PRKN: variants seen among roughly 807,000 people sequenced by gnomAD.
PRKN encodes the protein parkin RBR E3 ubiquitin protein ligase, also known as E3 ubiquitin-protein ligase parkin.
In PRKN, 56 loss-of-function variants were observed where a neutral mutation model predicts 59.5. The ratio of observed to expected loss-of-function variants is 0.94; its 90% CI spans 0.76 to 1.18. PRKN has a LOEUF of 1.18. Ranked by LOEUF, PRKN falls within the 50% of genes most tolerant of loss-of-function variation. The probability of loss-of-function intolerance (pLI) is 0.00; values close to 1 mark genes in which losing one functional copy is unlikely to be tolerated. For missense variants in PRKN, 657 were observed against 596.4 expected (o/e 1.10, Z -1.06); for synonymous variants, 250 against 222.1 (o/e 1.13, Z -1.12).
rs553080701 is a variant in PRKN, at chr6:161,760,555, G to A, written c.871+25217C>T. On this transcript the variant is annotated intron_variant, in intron 7 of 11. Transcript: ENST00000366898. ...GTGGAACCCGAGATTCAGGCTGAGC[G>A]CCGGAAGCCGTCTAGCAGGGACTCT... Among the ~76,000 whole-genome samples the A allele has an allele frequency of 1.9e-4, 29 of 151,966 alleles. 1 individual carries two copies. The highest frequency in any genetic ancestry group is 6.5e-4 in the African/African-American group (27 of 41,436).
At chr6:162,424,778 C>A (rs148950647) in intron 2 of PRKN, among the ~76,000 whole-genome samples, 1 of 150,946 alleles carries the variant, frequency 6.6e-6, no homozygotes, top group South Asian at 2.1e-4. Context: ...GTACCACTGG[C>A]GGATGGGGGT....
At chr6:161,836,323 G>A (rs1792753486) in intron 6 of PRKN, among the ~76,000 whole-genome samples, 1 of 152,198 alleles carries the variant, frequency 6.6e-6, no homozygotes, top group Admixed American at 6.5e-5. Flanking sequence ...AGTGGTCACA[G>A]GGAGTCCCCT....
At chr6:162,663,621 A>G (rs1256117242) in intron 1 of PRKN, among the ~76,000 whole-genome samples, 1 of 152,168 alleles carries the variant, frequency 6.6e-6, no homozygotes, top group Non-Finnish European at 1.5e-5. Context: ...GTAGACAGAA[A>G]ATAAGTGTGT....
intron 4 of PRKN, among the ~76,000 whole-genome samples, chr6:162,166,583 T>C (rs1782999313): frequency 1.3e-5 from 2 of 152,210 alleles, no homozygotes; most frequent in South Asian, 4.1e-4. Context: ...TGTTGAAGTA[T>C]TTCGAGGTGA....
At chr6:162,344,410 T>C (rs777560773) in intron 2 of PRKN, among the ~76,000 whole-genome samples, 8 of 152,116 alleles carry the variant, frequency 5.3e-5, no homozygotes, top group South Asian at 2.1e-4. Flanking sequence ...CTAATGTAAA[T>C]TTACTTTTAA....
chr6:162,362,821 A>G (rs576921814), intron 2 of PRKN, among the ~76,000 whole-genome samples: 4 of 152,184 alleles, frequency 2.6e-5, no homozygotes, highest in Admixed American at 2.0e-4. Flanking sequence ...AATAAAAAAC[A>G]CTATTCTATA....
chr6:161,679,741 C>CTTTTTTTTTTTTT lies in PRKN; in HGVS notation c.871+106018_871+106030dup, dbSNP rs745812196. The stretch of plus-strand genomic sequence containing the variant: ...AAAAATGTTTTCAGTTCAGAGCCAG[C>CTTTTTTTTTTTTT]TTTTTTTTTTTTTTTTTTTTTTTTT... On this transcript the variant is annotated intron_variant, in intron 7 of 11. Transcript: ENST00000366898. 2.1e-4 allele frequency among the ~76,000 whole-genome samples: 5 copies of CTTTTTTTTTTTTT among 23,484 alleles called. 2 individuals carry two copies. Among genetic ancestry groups the CTTTTTTTTTTTTT allele is most frequent in the African/African-American group, 7.9e-4 (4 of 5,060 alleles). 15.4% of individuals were successfully genotyped at this position (23,484 alleles called of 152,430 possible).
At chr6:162,596,239 T>C (rs1270174137) in intron 1 of PRKN, among the ~76,000 whole-genome samples, 1 of 152,190 alleles carries the variant, frequency 6.6e-6, no homozygotes, top group African/African-American at 2.4e-5. Flanking sequence ...AAGACAATGG[T>C]TTATCAATTT....
rs1789167016 is a variant in PRKN at position 161,440,712 on chromosome 6, C to T, written c.1084-53835G>A. ...ATTGCTTGGATCTAAATTGCCCTTT[C>T]CAAACCCAAGAGATATTTCCAATGC... On this transcript the variant is annotated intron_variant, in intron 9 of 11. Transcript: ENST00000366898. This position sits in a 1 kb window ranked among gnomAD's most constrained non-coding sequence, Gnocchi z 4.1. 6.6e-6 allele frequency among the ~76,000 whole-genome samples: 1 copy of T among 152,196 alleles called. No homozygotes were observed. The highest frequency in any genetic ancestry group is 1.5e-5 in the Non-Finnish European group (1 of 68,040).
At chr6:162,546,109 T>G (rs1479548702) in intron 1 of PRKN, among the ~76,000 whole-genome samples, 1 of 148,540 alleles carries the variant, frequency 6.7e-6, no homozygotes, top group East Asian at 1.9e-4. Context: ...AGTTTTTTTT[T>G]TTTTTTTTTT....
chr6:161,532,592 G>T (rs187860336), intron 9 of PRKN, among the ~76,000 whole-genome samples: 20 of 152,156 alleles, frequency 1.3e-4, no homozygotes, highest in African/African-American at 4.1e-4. Context: ...GCTTTGTGGG[G>T]TTTTTTTACT....
intron 1 of PRKN, among the ~76,000 whole-genome samples, chr6:162,643,397 C>CAAAAAAAAAAAAA (rs59995115): frequency 3.6e-5 from 3 of 82,440 alleles, no homozygotes; most frequent in African/African-American, 1.1e-4. Context: ...GACTCTGCCT[C>CAAAAAAAAAAAAA]AAAAAAAAAA....
intron 1 of PRKN, among the ~76,000 whole-genome samples, chr6:162,677,424 C>T (rs981135464): frequency 2.0e-5 from 3 of 147,774 alleles, no homozygotes; most frequent in South Asian, 4.4e-4. Context: ...TGGCCTCCCA[C>T]CCTCTATATC....
chr6:161,797,107 GAC>G (rs1790881454), intron 6 of PRKN, among the ~76,000 whole-genome samples: 3 of 152,198 alleles, frequency 2.0e-5, no homozygotes, highest in African/African-American at 7.2e-5. Context: ...AATTATTTCA[GAC>G]ACAGAGTGGT....
chr6:162,663,971 C>A (rs190767557), intron 1 of PRKN, among the ~76,000 whole-genome samples: 1 of 151,808 alleles, frequency 6.6e-6, no homozygotes. Context: ...CAGGTATACA[C>A]GTTCTGGTAC....
chr6:161,712,200 A>G lies in PRKN; in HGVS notation c.871+73572T>C, dbSNP rs61564061. Among the ~76,000 whole-genome samples the G allele has an allele frequency of 4.5e-3, 685 of 152,354 alleles. 13 individuals carry two copies. The highest frequency in any genetic ancestry group is 0.016 in the African/African-American group (651 of 41,586). On this transcript the variant is annotated intron_variant, in intron 7 of 11. Coordinates refer to ENST00000366898, the MANE Select transcript of PRKN (RefSeq NM_004562.3). ...GGAAATCACTTGGGAGAATATTCAA[A>G]TGTGGGCCTCAAGTAAATGAATTTC...
chr6:161,915,580 T>C (rs1778523909), intron 6 of PRKN, among the ~76,000 whole-genome samples: 1 of 152,214 alleles, frequency 6.6e-6, no homozygotes, highest in South Asian at 2.1e-4. Context: ...ATCTCTGCTA[T>C]GCGTGAGTGA....
chr6:162,387,559 G>GAGAGAGAC (rs1194024127), intron 2 of PRKN, among the ~76,000 whole-genome samples: 2 of 43,482 alleles, frequency 4.6e-5, no homozygotes, highest in East Asian at 8.3e-4. Context: ...CACACACAGA[G>GAGAGAGAC]AGAGAGAGAG....
chr6:161,515,890 C>G (rs1428449786), intron 9 of PRKN, among the ~76,000 whole-genome samples: 1 of 152,170 alleles, frequency 6.6e-6, no homozygotes, highest in Non-Finnish European at 1.5e-5. Context: ...GCTTTTCACA[C>G]ATGCACTGAA....
Sources: gnomAD v4.1 joint callset for allele counts (sites outside exome capture counted in the v4.1 genomes callset) on GRCh38, gnomAD v4.1.1 for gene constraint, Gnocchi (gnomAD v3.1) non-coding constraint, MANE v1.5 for transcripts, NCBI Gene and HGNC (gene_info 2026-07-23, HGNC 2026-07-21) for gene names.